The following NPEPL1 variants were observed in gnomAD, a reference collection of about 807,000 sequenced individuals.
NPEPL1 encodes the protein aminopeptidase like 1.
A neutral mutation model predicts 52.4 loss-of-function variants in NPEPL1; 45 were observed. That is an observed-to-expected ratio of 0.86 (90% CI 0.68 to 1.10). NPEPL1 has a LOEUF of 1.10. Among genes scored for constraint, NPEPL1 ranks in the 50% least tolerant of loss-of-function variants. The pLI, the probability that NPEPL1 is intolerant of heterozygous loss-of-function variation, is 0.00. For missense variants in NPEPL1, 696 were observed against 710.9 expected (o/e 0.98, Z 0.24); for synonymous variants, 360 against 314.7 (o/e 1.14, Z -1.52).
Position 58,713,047 on chromosome 20 carries a change from T to C in NPEPL1, c.1002-373T>C. Reference sequence around the variant, plus strand: ...CCAGCCCCATGAGCTGGTGCCTGAGTGGGCGCCTCCCCGCATCTCCTGCTC... The same window carrying C: ...CCAGCCCCATGAGCTGGTGCCTGAGCGGGCGCCTCCCCGCATCTCCTGCTC... On this transcript the variant is annotated intron_variant, in intron 8 of 11. Transcript: ENST00000356091. The surrounding 1 kb of genome is among the most constrained non-coding windows in gnomAD (Gnocchi z 4.6). 2.9e-6 allele frequency: 1 copy of C among 346,698 alleles called. No homozygotes were observed. Among genetic ancestry groups the C allele is most frequent in the African/African-American group, 2.1e-5 (1 of 47,864 alleles). 21.5% of individuals were successfully genotyped at this position (346,698 alleles called of 1,614,324 possible).
chr20:58,691,711 T>A, upstream of NPEPL1: 11 of 700,736 alleles, frequency 1.6e-5, no homozygotes, highest in African/African-American at 2.2e-5. Context: ...TTTTTTTTTT[T>A]TTTCATTTTT....
rs1249874785 is a variant in NPEPL1, at chr20:58,713,517, G to T, written c.1099G>T (p.Asp367Tyr). The change falls in exon 9 of 12, where the codon GAC becomes TAC. Residue 367 changes from aspartate to tyrosine, a missense_variant. Transcript: ENST00000356091. The surrounding 1 kb of genome is among the most constrained non-coding windows in gnomAD (Gnocchi z 4.6). ...GGACCTGGGGGCCGACATCATCCTG[G>T]ACATGGCCACCCTGACCGGGGCTCA... is the stretch of plus-strand genomic sequence containing the variant. ...CKDLGADIIL[D>Y]MATLTGAQGI... The T allele has an allele frequency of 1.2e-6, 2 of 1,610,354 alleles. No homozygotes were observed. The highest frequency in any genetic ancestry group is 1.7e-6 in the Non-Finnish European group (2 of 1,178,324).
chr20:58,709,224 G>A (rs2084791073), intron 7 of NPEPL1, among the ~76,000 whole-genome samples: 1 of 151,800 alleles, frequency 6.6e-6, no homozygotes, highest in Non-Finnish European at 1.5e-5. Flanking sequence ...CAGCCTGGAG[G>A]CTCCACTGTG....
chr20:58,698,967 C>T (rs1568850520), intron 4 of NPEPL1, among the ~76,000 whole-genome samples, 194 bp downstream of exon 4: 1 of 152,228 alleles, frequency 6.6e-6, no homozygotes, highest in African/African-American at 2.4e-5. Context: ...AGGACAGAGC[C>T]TCCTCTTCAA....
Position 58,713,259 on chromosome 20 carries a change from G to A in NPEPL1, c.1002-161G>A. On this transcript the variant is annotated intron_variant, in intron 8 of 11. Transcript: ENST00000356091. The surrounding 1 kb of genome is among the most constrained non-coding windows in gnomAD (Gnocchi z 4.6). ...TTGCTCCAGGCACTGCATTGCTGTA[G>A]GGACTGGGGGCATCCCGGCCTTCCC... 1.2e-6 allele frequency: 1 copy of A among 859,318 alleles called. No homozygotes were observed. Among genetic ancestry groups the A allele is most frequent in the Non-Finnish European group, 1.7e-6 (1 of 572,390 alleles). 53.2% of individuals were successfully genotyped at this position (859,318 alleles called of 1,614,324 possible). A position where few individuals can be genotyped will look rare whatever the true frequency, so the allele number is the denominator to read the frequency against.
chr20:58,691,792 G>T, upstream of NPEPL1: 2 of 1,545,428 alleles, frequency 1.3e-6, no homozygotes, highest in Non-Finnish European at 8.7e-7. Context: ...TAACAGAGGA[G>T]GGTACCAACC....
chr20:58,709,573 C>CGAGA (rs2084796025), intron 7 of NPEPL1, among the ~76,000 whole-genome samples: 1 of 152,196 alleles, frequency 6.6e-6, no homozygotes, highest in African/African-American at 2.4e-5. Context: ...CAAATGCTCT[C>CGAGA]AGAGTGCCTC....
chr20:58,702,963 A>G (rs1011983492), intron 6 of NPEPL1, among the ~76,000 whole-genome samples: 1 of 152,230 alleles, frequency 6.6e-6, no homozygotes, highest in East Asian at 1.9e-4. Context: ...AGTAACTCCA[A>G]GTGTTCACAT....
intron 1 of NPEPL1, chr20:58,693,363 C>T (rs959769915): frequency 3.9e-5 from 7 of 177,290 alleles, no homozygotes; most frequent in Non-Finnish European, 7.0e-5. Context: ...CCCCGCCTGG[C>T]GACAGGCCCT....
Position 58,714,661 on chromosome 20 carries a change from G to T in NPEPL1, c.1404G>T (p.Pro468=). ...GVWVHLDIAA[P]VHAGERATGF... ...GGGTCCACCTGGACATTGCTGCACC[G>T]GTGCATGCTGTGAGTGTCTCCCCTC... The change falls in exon 11 of 12, where the codon CCG becomes CCT. Residue 468 remains proline (P), a synonymous_variant. Transcript: ENST00000356091. 2 of 1,589,350 alleles carry T rather than the reference G, an allele frequency of 1.3e-6. No homozygotes were observed. Among genetic ancestry groups the T allele is most frequent in the Non-Finnish European group, 1.7e-6 (2 of 1,169,754 alleles).
At chr20:58,698,238 C>T (rs1227256265) in intron 3 of NPEPL1, among the ~76,000 whole-genome samples, 6 of 151,706 alleles carry the variant, frequency 4.0e-5, no homozygotes, top group Admixed American at 6.6e-5. Flanking sequence ...AGAAGTGCCT[C>T]GAAGGATGAC....
Position 58,699,179 on chromosome 20 carries a change from T to A in NPEPL1, c.598-18T>A. On this transcript the variant is annotated intron_variant, in intron 4 of 11. Coordinates refer to ENST00000356091, the MANE Select transcript of NPEPL1 (RefSeq NM_024663.4). ...TCATGTGTTGTTGTGCTGTTGTTTT[T>A]TCCATGAACATGTCCAGGAGATTAA... The A allele has an allele frequency of 6.3e-7, 1 of 1,576,008 alleles. No homozygotes were observed. The highest frequency in any genetic ancestry group is 8.6e-7 in the Non-Finnish European group (1 of 1,160,004).
Position 58,693,880 on chromosome 20 carries a change from G to A in NPEPL1, c.294G>A (p.Leu98=). Residue 98 remains leucine, a synonymous_variant, in exon 2 of 12, where the codon CTG becomes CTA. Coordinates refer to ENST00000356091, the MANE Select transcript of NPEPL1 (RefSeq NM_024663.4). ...CGGCCGCCCACTTCATCACGCGGCT[G>A]GTGCGGACCTGCCTGCCGCCCGGAG... ...SPSAAHFITR[L]VRTCLPPGAH... 1 of 1,612,728 alleles carries A rather than the reference G, an allele frequency of 6.2e-7. No individual in the cohort carries two copies. Among genetic ancestry groups the A allele is most frequent in the Non-Finnish European group, 8.5e-7 (1 of 1,179,306 alleles).
chr20:58,693,725 C>G lies in NPEPL1; in HGVS notation c.151-12C>G. 1.3e-6 allele frequency: 2 copies of G among 1,593,612 alleles called. No homozygotes were observed. The highest frequency in any genetic ancestry group is 1.7e-6 in the Non-Finnish European group (2 of 1,164,772). On this transcript the variant is annotated splice_polypyrimidine_tract_variant and intron_variant, in intron 1 of 11. Coordinates refer to ENST00000356091, the MANE Select transcript of NPEPL1 (RefSeq NM_024663.4). Reference sequence around the variant, plus strand: ...TGAAGCCTCTGTGTCTTGTCTCTCCCTTCTGATCTAGCTCTGGCAGGCTGC... The same window carrying G: ...TGAAGCCTCTGTGTCTTGTCTCTCCGTTCTGATCTAGCTCTGGCAGGCTGC...
intron 7 of NPEPL1, chr20:58,711,111 C>A (rs866873519): frequency 1.2e-5 from 1 of 83,146 alleles, no homozygotes; most frequent in African/African-American, 1.2e-4. Flanking sequence ...CTCCTCCCCC[C>A]CTCCTCCCCC....
intron 7 of NPEPL1, among the ~76,000 whole-genome samples, chr20:58,708,727 C>T (rs1356593718): frequency 1.3e-5 from 2 of 152,200 alleles, no homozygotes; most frequent in Admixed American, 6.5e-5. Flanking sequence ...TGGCCCTCCT[C>T]CTTGCCTCTG....
In NPEPL1 at chr20:58,713,879, G is replaced by T. The variant is rs1031704639; in HGVS notation, c.1126-38G>T. On this transcript the variant is annotated intron_variant, in intron 9 of 11. Transcript: ENST00000356091. The surrounding 1 kb of genome is among the most constrained non-coding windows in gnomAD (Gnocchi z 4.6). ...TTGCCTTGGGTGTTTCTCTCCTGCC[G>T]TCCCGTCCACACGCTTCCCGGGTTC... is the stretch of plus-strand genomic sequence containing the variant. 1 of 1,426,280 alleles carries T rather than the reference G, an allele frequency of 7.0e-7. No homozygotes were observed. The highest frequency in any genetic ancestry group is 1.5e-5 in the African/African-American group (1 of 68,492). The allele number at this position is 1,426,280 out of a possible 1,614,324, so 88.4% of individuals were successfully genotyped here.
At chr20:58,712,250 G>A (rs986559035) in intron 7 of NPEPL1, among the ~76,000 whole-genome samples, 7 of 152,192 alleles carry the variant, frequency 4.6e-5, no homozygotes, top group East Asian at 1.9e-4. Flanking sequence ...CATCCACTGC[G>A]GCGGGTGGCC....
chr20:58,691,293 T>A (rs879410332), upstream of NPEPL1: 7 of 616,186 alleles, frequency 1.1e-5, no homozygotes, highest in Admixed American at 1.3e-4. Context: ...GAAAATAAGA[T>A]CCAATTAGCG....
Sources: gnomAD v4.1 joint callset for allele counts (sites outside exome capture counted in the v4.1 genomes callset) on GRCh38, gnomAD v4.1.1 for gene constraint, Gnocchi (gnomAD v3.1) non-coding constraint, MANE v1.5 for transcripts, NCBI Gene and HGNC (gene_info 2026-07-23, HGNC 2026-07-21) for gene names.